The following NOL9 variants were observed in gnomAD, a reference collection of about 807,000 sequenced individuals.
NOL9 encodes the protein polynucleotide 5'-hydroxyl-kinase NOL9.
NOL9 carries 28 observed loss-of-function variants against 67.9 expected under a neutral mutation model. The observed-to-expected ratio is 0.41, with a 90% CI of 0.31 to 0.57. NOL9 has a LOEUF of 0.57. NOL9 is among the 20% of genes least tolerant of loss of function. NOL9 has a pLI of 0.25. For synonymous variants in NOL9, 356 were observed against 352.2 expected (o/e 1.01, Z -0.12); for missense variants, 777 against 897.0 (o/e 0.87, Z 1.71).
At chr1:6,533,237 C>T in intron 7 of NOL9, 43 bp downstream of exon 7, 2 of 1,528,470 alleles carry the variant, frequency 1.3e-6, no homozygotes, top group Middle Eastern at 1.8e-4. Flanking sequence ...ACAGTACTCA[C>T]ACTGCCTGTC....
chr1:6,529,587 CA>C (rs568413534), intron 9 of NOL9, among the ~76,000 whole-genome samples: 3 of 146,592 alleles, frequency 2.0e-5, no homozygotes, highest in Non-Finnish European at 4.5e-5. Flanking sequence ...GACTCGGTCT[CA>C]AAAAAAAATT....
chr1:6,550,651 T>A, intron 1 of NOL9, 36 bp from the exon 2 acceptor site: 65 of 1,157,422 alleles, frequency 5.6e-5, no homozygotes, highest in Non-Finnish European at 7.3e-5. Context: ...ACATTATAGA[T>A]CATGTCACTA....
In NOL9 at chr1:6,542,252, C is replaced by T. The variant is rs1323344889; in HGVS notation, c.978-325G>A. ...CTCGGCTCACTGCAAGCTCCACCTCCTGGGTTCATGCCATTCTCCTGCCTC... is the reference window on the plus strand; with the variant it reads ...CTCGGCTCACTGCAAGCTCCACCTCTTGGGTTCATGCCATTCTCCTGCCTC... On this transcript the variant is annotated intron_variant, in intron 5 of 11. Coordinates refer to ENST00000377705, the MANE Select transcript of NOL9 (RefSeq NM_024654.5). Among the ~76,000 whole-genome samples, 6 of 151,560 alleles carry T rather than the reference C, an allele frequency of 4.0e-5. No individual in the cohort carries two copies. The East Asian group carries it at 1.2e-3, about 29-fold the overall frequency.
chr1:6,527,191 G>A (rs1165563585), intron 10 of NOL9, among the ~76,000 whole-genome samples: 1 of 151,418 alleles, frequency 6.6e-6, no homozygotes, highest in Non-Finnish European at 1.5e-5. Context: ...AGCTTGCAGT[G>A]AGCCGAGATG....
At chr1:6,549,519 C>T (rs1392062567) in intron 3 of NOL9, 52 bp downstream of exon 3, 10 of 1,598,720 alleles carry the variant, frequency 6.3e-6, no homozygotes, top group South Asian at 2.2e-5. Context: ...CATTTGAAAT[C>T]ACTGTTTTGG....
chr1:6,535,253 A>G (rs1557785941), intron 6 of NOL9, among the ~76,000 whole-genome samples: 1 of 152,222 alleles, frequency 6.6e-6, no homozygotes, highest in Non-Finnish European at 1.5e-5. Context: ...AACACACCAG[A>G]GGCAACAAGC....
chr1:6,551,835 T>A (rs1046213136), intron 1 of NOL9, among the ~76,000 whole-genome samples: 5 of 151,756 alleles, frequency 3.3e-5, no homozygotes, highest in African/African-American at 1.2e-4. Context: ...ATCAAGACCA[T>A]CCAGGCTAAC....
chr1:6,549,497 A>G lies in NOL9; in HGVS notation c.744+74T>C, dbSNP rs1450886494. Reference sequence around the variant, plus strand: ...AGACCAACTGTTCTTCCAAGACAACATCCTACATAGTCATTTGAAATCACT... The same window carrying G: ...AGACCAACTGTTCTTCCAAGACAACGTCCTACATAGTCATTTGAAATCACT... On this transcript the variant is annotated intron_variant, in intron 3 of 11. Transcript: ENST00000377705. The G allele has an allele frequency of 1.4e-5, 21 of 1,546,214 alleles. No homozygotes were observed. The East Asian group carries it at 4.5e-4, about 33-fold the overall frequency.
chr1:6,534,526 C>T (rs1639105038), intron 6 of NOL9, among the ~76,000 whole-genome samples: 1 of 152,254 alleles, frequency 6.6e-6, no homozygotes, highest in Admixed American at 6.5e-5. Context: ...ATGATGGGAG[C>T]TGCGAATTCA....
chr1:6,538,974 A>G (rs1182868214), intron 6 of NOL9, among the ~76,000 whole-genome samples: 1 of 152,210 alleles, frequency 6.6e-6, no homozygotes, highest in East Asian at 1.9e-4. Flanking sequence ...TCTGTCTCAG[A>G]AACAAACGAA....
chr1:6,542,018 C>T, intron 5 of NOL9, 91 bp from the exon 6 acceptor site: 1 of 730,860 alleles, frequency 1.4e-6, no homozygotes, highest in Non-Finnish European at 2.2e-6. Flanking sequence ...TTTCATGTGA[C>T]ACGCAGGCAT....
In NOL9 at chr1:6,533,363, T is replaced by A; in HGVS notation, c.1154A>T (p.Asn385Ile). The A allele has an allele frequency of 6.2e-7, 1 of 1,613,608 alleles. No individual in the cohort carries two copies. Among genetic ancestry groups the A allele is most frequent in the Non-Finnish European group, 8.5e-7 (1 of 1,179,682 alleles). The change falls in exon 7 of 12, where the codon AAT becomes ATT. Residue 385 changes from asparagine (N) to isoleucine (I), a missense_variant. Transcript: ENST00000377705. ...CACATATTTCACTATGTCAATATAA[T>A]TCTCATAGTTGTTTTTACAAGAAGG... Reference protein sequence around the residue: ...GKPSCKNNYENYIDIVKYVFS... With the variant: ...GKPSCKNNYEIYIDIVKYVFS...
rs1194097413 is a variant in NOL9, at chr1:6,524,151, T to C, written c.*1703A>G. On this transcript the variant is annotated 3_prime_UTR_variant, in exon 12 of 12. Coordinates refer to ENST00000377705, the MANE Select transcript of NOL9 (RefSeq NM_024654.5). ...TCAAAGGTATCAAAACTAATCACCA[T>C]AGCAAGGTTTCCTGTGCTTATTTTA... The C allele has an allele frequency of 2.6e-5, 4 of 152,318 alleles. No individual in the cohort carries two copies. The highest frequency in any genetic ancestry group is 4.8e-5 in the African/African-American group (2 of 41,574). The allele number at this position is 152,318 out of a possible 1,614,324, so 9.4% of individuals were successfully genotyped here. A position where few individuals can be genotyped will look rare whatever the true frequency, so the allele number is the denominator to read the frequency against.
intron 3 of NOL9, chr1:6,549,318 A>G: frequency 2.9e-6 from 1 of 349,072 alleles, no homozygotes; most frequent in South Asian, 3.6e-5. Flanking sequence ...CATGGTGTTA[A>G]TAAAAACCCA....
chr1:6,543,856 T>C (rs1399341882), intron 5 of NOL9, among the ~76,000 whole-genome samples: 1 of 152,098 alleles, frequency 6.6e-6, no homozygotes, highest in Non-Finnish European at 1.5e-5. Flanking sequence ...CCGGGCATGG[T>C]GGCTCACGCC....
intron 5 of NOL9, among the ~76,000 whole-genome samples, chr1:6,543,227 GCT>G (rs1639339889): frequency 7.1e-6 from 1 of 139,888 alleles, no homozygotes. Flanking sequence ...ACAGAGTCTT[GCT>G]CTGTCGCCCA....
intron 6 of NOL9, among the ~76,000 whole-genome samples, chr1:6,534,306 T>C (rs1328097797): frequency 6.6e-6 from 1 of 152,100 alleles, no homozygotes; most frequent in Non-Finnish European, 1.5e-5. Context: ...AGCAAGCTGG[T>C]TTAAACCCAG....
chr1:6,543,238 C>T (rs1639340221), intron 5 of NOL9, among the ~76,000 whole-genome samples: 1 of 148,898 alleles, frequency 6.7e-6, no homozygotes, highest in African/African-American at 2.5e-5. Flanking sequence ...CTCTGTCGCC[C>T]ACGCTGGAGT....
chr1:6,545,919 CAAAAAAAAAAAA>C (rs66980518), intron 3 of NOL9, among the ~76,000 whole-genome samples: 1 of 59,662 alleles, frequency 1.7e-5, no homozygotes, highest in Non-Finnish European at 3.0e-5. Flanking sequence ...GTCTGTGTCT[CAAAAAAAAAAAA>C]AAAAAAAAAA....
Sources: gnomAD v4.1 joint callset for allele counts (sites outside exome capture counted in the v4.1 genomes callset) on GRCh38, gnomAD v4.1.1 for gene constraint, MANE v1.5 for transcripts, NCBI Gene and HGNC (gene_info 2026-07-23, HGNC 2026-07-21) for gene names.